Variants in KCTD19 observed in about 807,000 individuals in gnomAD.
KCTD19 encodes the protein BTB/POZ domain-containing protein KCTD19.
A neutral mutation model predicts 103.5 loss-of-function variants in KCTD19; 67 were observed. The observed-to-expected ratio is 0.65, with a 90% CI of 0.53 to 0.79. KCTD19 has a LOEUF of 0.79. KCTD19 is among the 30% of genes least tolerant of loss of function. KCTD19 has a pLI of 0.00. For missense variants in KCTD19, 980 were observed against 1,136.1 expected, an observed-to-expected ratio of 0.86 and a Z score of 1.98; for synonymous variants, 439 against 452.2, an observed-to-expected ratio of 0.97 and a Z score of 0.37.
chr16:67,325,226 A>T (rs1597403327), intron 1 of KCTD19, among the ~76,000 whole-genome samples: 1 of 104,152 alleles, frequency 9.6e-6, no homozygotes, highest in Admixed American at 1.1e-4. Flanking sequence ...TTTTTTTGAG[A>T]CGGAGTCTCG....
Position 67,303,113 on chromosome 16 carries a change from C to CGGGGGGG in KCTD19, c.643+32_643+33insCCCCCCC. On this transcript the variant is annotated intron_variant, in intron 4 of 15. Coordinates refer to ENST00000304372, the MANE Select transcript of KCTD19 (RefSeq NM_001100915.3). The surrounding 1 kb of genome is among the most constrained non-coding windows in gnomAD (Gnocchi z 4.3). ...GAGGGGTGAATGGGCCCTATCAGCC[C>CGGGGGGG]GCCCCCCACCCCACCCCGGACAGAG... 1 of 442,702 alleles carries CGGGGGGG rather than the reference C, an allele frequency of 2.3e-6. No homozygotes were observed. The highest frequency in any genetic ancestry group is 4.4e-6 in the Non-Finnish European group (1 of 228,046). 27.4% of individuals were successfully genotyped at this position (442,702 alleles called of 1,614,324 possible).
In KCTD19 at chr16:67,320,251, T is replaced by G. The variant is rs2037057326; in HGVS notation, c.300+338A>C. Among the ~76,000 whole-genome samples the G allele has an allele frequency of 6.6e-6, 1 of 152,136 alleles. No homozygotes were observed. The highest frequency in any genetic ancestry group is 2.4e-5 in the African/African-American group (1 of 41,436). On this transcript the variant is annotated intron_variant, in intron 2 of 15. Transcript: ENST00000304372. The surrounding 1 kb of genome is among the most constrained non-coding windows in gnomAD (Gnocchi z 4.0). ...CATGGAAAGGATTGGCCGGGCATGG[T>G]GGCATGCACCTGTGTTCCCAGCTAC...
chr16:67,292,269 T>C (rs1200426863), intron 12 of KCTD19, among the ~76,000 whole-genome samples: 2 of 152,180 alleles, frequency 1.3e-5, no homozygotes, highest in African/African-American at 2.4e-5. Context: ...GACAGGCCAG[T>C]ACAATCAAGT....
chr16:67,308,434 G>A (rs2142513892), intron 2 of KCTD19, among the ~76,000 whole-genome samples: 1 of 152,028 alleles, frequency 6.6e-6, no homozygotes, highest in South Asian at 2.1e-4. Flanking sequence ...CAAAGTGTTG[G>A]GATTACAGGC....
Position 67,293,400 on chromosome 16 carries a change from G to T in KCTD19, c.2218+144C>A. ...CCATGCCAATGTGCCAGTCATTTCT[G>T]TGTCTGCTGCCTGGCACAGAGATGG... On this transcript the variant is annotated intron_variant, in intron 12 of 15. Transcript: ENST00000304372. The surrounding 1 kb of genome is among the most constrained non-coding windows in gnomAD (Gnocchi z 4.0). 1.1e-6 allele frequency: 1 copy of T among 888,216 alleles called. No homozygotes were observed. Among genetic ancestry groups the T allele is most frequent in the East Asian group, 2.4e-5 (1 of 41,272 alleles). The allele number at this position is 888,216 out of a possible 1,614,324, so 55.0% of individuals were successfully genotyped here.
chr16:67,303,108 C>CTGGGCGG lies in KCTD19; in HGVS notation c.643+37_643+38insCCGCCCA. 8 of 798,078 alleles carry CTGGGCGG rather than the reference C, an allele frequency of 1.0e-5. No homozygotes were observed. Among genetic ancestry groups the CTGGGCGG allele is most frequent in the Admixed American group, 2.3e-5 (1 of 44,028 alleles). The allele number at this position is 798,078 out of a possible 1,614,324, so 49.4% of individuals were successfully genotyped here. A position where few individuals can be genotyped will look rare whatever the true frequency, so the allele number is the denominator to read the frequency against. ...ATGGGGAGGGGTGAATGGGCCCTAT[C>CTGGGCGG]AGCCCGCCCCCCACCCCACCCCGGA... On this transcript the variant is annotated intron_variant, in intron 4 of 15. Coordinates refer to ENST00000304372, the MANE Select transcript of KCTD19 (RefSeq NM_001100915.3). This position sits in a 1 kb window ranked among gnomAD's most constrained non-coding sequence, Gnocchi z 4.3.
chr16:67,294,204 G>A, intron 11 of KCTD19, 33 bp from the exon 12 acceptor site: 1 of 1,574,930 alleles, frequency 6.3e-7, no homozygotes, highest in Non-Finnish European at 8.6e-7. Context: ...ACTCTGGATA[G>A]GTTGGGCATG....
intron 14 of KCTD19, 104 bp from the exon 15 acceptor site, chr16:67,291,090 G>A (rs1166033744): frequency 1.6e-5 from 21 of 1,304,668 alleles, no homozygotes; most frequent in Non-Finnish European, 1.9e-5. Context: ...CACAGGGGTA[G>A]GGGGCGGGCA....
At chr16:67,317,691 G>A (rs2037027169) in intron 2 of KCTD19, among the ~76,000 whole-genome samples, 1 of 152,028 alleles carries the variant, frequency 6.6e-6, no homozygotes, top group African/African-American at 2.4e-5. Flanking sequence ...TTAAATTGAT[G>A]TCATCTGTTT....
At chr16:67,317,312 C>T (rs1377533431) in intron 2 of KCTD19, among the ~76,000 whole-genome samples, 1 of 151,854 alleles carries the variant, frequency 6.6e-6, no homozygotes, top group African/African-American at 2.4e-5. Context: ...AACCCCATCT[C>T]CACTAAAAAT....
At chr16:67,316,827 G>T (rs1377231431) in intron 2 of KCTD19, among the ~76,000 whole-genome samples, 1 of 151,978 alleles carries the variant, frequency 6.6e-6, no homozygotes, top group African/African-American at 2.4e-5. Flanking sequence ...CAGGCTAGAG[G>T]TGGGGGTTGG....
chr16:67,307,957 C>T (rs2036911101), intron 2 of KCTD19, among the ~76,000 whole-genome samples: 1 of 152,166 alleles, frequency 6.6e-6, no homozygotes, highest in African/African-American at 2.4e-5. Flanking sequence ...CCCTACTTTT[C>T]CCAGCCTCTG....
At chr16:67,299,657 G>C in intron 5 of KCTD19, 84 bp from the exon 6 acceptor site, 1 of 1,123,318 alleles carries the variant, frequency 8.9e-7, no homozygotes, top group Non-Finnish European at 1.3e-6. Flanking sequence ...TCCTACTGCT[G>C]CCTCCATTGT....
At chr16:67,310,687 T>G (rs1166460140) in intron 2 of KCTD19, among the ~76,000 whole-genome samples, 2 of 152,222 alleles carry the variant, frequency 1.3e-5, no homozygotes, top group Non-Finnish European at 2.9e-5. Flanking sequence ...TGTGTGTGGT[T>G]GCCAAAGATG....
At chr16:67,304,323 A>T in intron 3 of KCTD19, 98 bp downstream of exon 3, 1 of 1,183,086 alleles carries the variant, frequency 8.5e-7, no homozygotes, top group Non-Finnish European at 1.2e-6. Context: ...CTCAGAAATC[A>T]GGCACTCTCT....
chr16:67,305,317 T>C (rs1196070432), intron 2 of KCTD19: 6 of 194,086 alleles, frequency 3.1e-5, no homozygotes, highest in Non-Finnish European at 5.3e-5. Flanking sequence ...ACATGTCTTA[T>C]ATTGCCACAG....
chr16:67,295,730 G>C, intron 8 of KCTD19: 2 of 330,152 alleles, frequency 6.1e-6, no homozygotes, highest in Non-Finnish European at 1.1e-5. Context: ...CAGGCCACTC[G>C]GTCCACTTGT....
chr16:67,319,525 A>G (rs2142523782), intron 2 of KCTD19, among the ~76,000 whole-genome samples: 1 of 152,264 alleles, frequency 6.6e-6, no homozygotes, highest in South Asian at 2.1e-4. Flanking sequence ...CAGTTGTAAT[A>G]TTTAGTTCTT....
intron 2 of KCTD19, among the ~76,000 whole-genome samples, chr16:67,318,698 C>A (rs957957992): frequency 6.6e-6 from 1 of 151,650 alleles, no homozygotes. Flanking sequence ...TAAAAATTGC[C>A]TTGATCTCTG....
Sources: allele counts gnomAD v4.1 joint callset (sites outside exome capture counted in the v4.1 genomes callset), GRCh38; gene constraint gnomAD v4.1.1; non-coding constraint Gnocchi (gnomAD v3.1); transcripts MANE v1.5; gene names NCBI Gene and HGNC (gene_info 2026-07-23, HGNC 2026-07-21).